Variants in CDH13 observed in about 807,000 individuals in gnomAD.
CDH13 encodes the protein cadherin 13, also known as cadherin-13.
In CDH13, 24 loss-of-function variants were observed where a neutral mutation model predicts 63.8. That is an observed-to-expected ratio of 0.38 (90% CI 0.27 to 0.53). The LOEUF (loss-of-function observed/expected upper bound fraction) is 0.53. Among genes scored for constraint, CDH13 ranks in the 20% least tolerant of loss-of-function variants. The pLI is 0.85. For missense variants in CDH13, 1,049 were observed against 903.1 expected (o/e 1.16, Z -2.07); for synonymous variants, 503 against 355.3 (o/e 1.42, Z -4.67).
At chr16:83,045,027 G>A (rs1917650187) in intron 3 of CDH13, among the ~76,000 whole-genome samples, 1 of 152,174 alleles carries the variant, frequency 6.6e-6, no homozygotes, top group South Asian at 2.1e-4. Flanking sequence ...ATATAGGGAT[G>A]ATAACCTCTT....
chr16:83,338,783 C>G (rs1348701823), intron 5 of CDH13, among the ~76,000 whole-genome samples: 1 of 152,044 alleles, frequency 6.6e-6, no homozygotes, highest in Admixed American at 6.5e-5. Flanking sequence ...GTTGGAAGAA[C>G]TGAAAAAAGA....
At chr16:82,693,072 G>A (rs776659798) in intron 1 of CDH13, among the ~76,000 whole-genome samples, 14 of 152,270 alleles carry the variant, frequency 9.2e-5, no homozygotes, top group African/African-American at 1.4e-4. Flanking sequence ...GCTGGGGGTG[G>A]CCTCCTACCA....
chr16:83,016,012 G>T (rs547365794), intron 2 of CDH13, among the ~76,000 whole-genome samples: 1 of 152,126 alleles, frequency 6.6e-6, no homozygotes, highest in African/African-American at 2.4e-5. Flanking sequence ...TTGTTGTCGA[G>T]TGGAGAAATC....
chr16:83,727,092 CAG>C (rs1910498163), intron 10 of CDH13, among the ~76,000 whole-genome samples: 1 of 152,106 alleles, frequency 6.6e-6, no homozygotes, highest in African/African-American at 2.4e-5. Context: ...AGTGTAGTCA[CAG>C]AGTTGTGCAA....
At chr16:82,705,631 C>T (rs1265743577) in intron 1 of CDH13, among the ~76,000 whole-genome samples, 1 of 151,966 alleles carries the variant, frequency 6.6e-6, no homozygotes, top group Non-Finnish European at 1.5e-5. Context: ...CACATTTCAC[C>T]ACACACGCCT....
At chr16:83,363,860 C>G (rs2091209115) in intron 6 of CDH13, among the ~76,000 whole-genome samples, 1 of 152,038 alleles carries the variant, frequency 6.6e-6, no homozygotes, top group East Asian at 1.9e-4. Context: ...GGCCCGAGAG[C>G]AAGACAATGA....
At chr16:83,077,530 C>G (rs1429613002) in intron 3 of CDH13, among the ~76,000 whole-genome samples, 1 of 152,078 alleles carries the variant, frequency 6.6e-6, no homozygotes, top group African/African-American at 2.4e-5. Context: ...GCTCATACAT[C>G]AGCATTCATT....
intron 2 of CDH13, among the ~76,000 whole-genome samples, chr16:82,911,873 T>G (rs77615067): frequency 0.017 from 2,607 of 152,170 alleles, 72 homozygotes; most frequent in African/African-American, 0.058. Flanking sequence ...CACCTGCTCC[T>G]ACTGGCTTCC....
At position 83,096,592 on chromosome 16, in the gene CDH13, C is replaced by T. The variant is rs139881199; in HGVS notation, c.367-28793C>T. ...CTCAGGACTGAGTATCTCTGCTGAACGCAAATTTAAATTCTTAATATGAGA... is the reference window on the plus strand; with the variant it reads ...CTCAGGACTGAGTATCTCTGCTGAATGCAAATTTAAATTCTTAATATGAGA... On this transcript the variant is annotated intron_variant, in intron 3 of 13. Coordinates refer to ENST00000567109, the MANE Select transcript of CDH13 (RefSeq NM_001257.5). 8.4e-3 allele frequency among the ~76,000 whole-genome samples: 1,275 copies of T among 152,306 alleles called. 16 individuals carry two copies. Among genetic ancestry groups the T allele is most frequent in the African/African-American group, 0.029 (1,201 of 41,570 alleles).
At chr16:83,112,282 T>C (rs1254284429) in intron 3 of CDH13, among the ~76,000 whole-genome samples, 3 of 152,212 alleles carry the variant, frequency 2.0e-5, no homozygotes, top group Non-Finnish European at 2.9e-5. Flanking sequence ...ACCAATCCCG[T>C]TGGCAGGGAA....
chr16:82,678,814 G>C (rs966707756), intron 1 of CDH13, among the ~76,000 whole-genome samples: 1 of 152,146 alleles, frequency 6.6e-6, no homozygotes, highest in African/African-American at 2.4e-5. Context: ...CTATCTCTTA[G>C]AGCCCAGTAC....
chr16:83,334,361 T>TCTCTCTCACA lies in CDH13; in HGVS notation c.637-10500_637-10499insTCTCTCACAC, dbSNP rs1272779883. Among the ~76,000 whole-genome samples, 303 of 85,602 alleles carry TCTCTCTCACA rather than the reference T, an allele frequency of 3.5e-3. 1 individual carries two copies. The highest frequency in any genetic ancestry group is 0.035 in the East Asian group (91 of 2,592). The allele number at this position is 85,602 out of a possible 152,430, so 56.2% of individuals were successfully genotyped here. A position where few individuals can be genotyped will look rare whatever the true frequency, so the allele number is the denominator to read the frequency against. ...TTCTCCCTCTCTCTCTCTCTCTCTC[T>TCTCTCTCACA]CACACACACACACACACACACACAC... On this transcript the variant is annotated intron_variant, in intron 5 of 13. Transcript: ENST00000567109.
rs552246689 is a variant in CDH13, at chr16:83,127,457, T to C, written c.483+1956T>C. 6.6e-5 allele frequency among the ~76,000 whole-genome samples: 10 copies of C among 152,282 alleles called. No homozygotes were observed. The South Asian group carries it at 1.9e-3, about 28-fold the overall frequency. On this transcript the variant is annotated intron_variant, in intron 4 of 13. Transcript: ENST00000567109. ...ATTGAAAATTGATCTTGGACGGGCA[T>C]GGTGGTTCACGCCTGTAATCCCAGC...
chr16:83,350,720 G>T (rs1465852931), intron 6 of CDH13, among the ~76,000 whole-genome samples: 1 of 152,140 alleles, frequency 6.6e-6, no homozygotes. Context: ...AGAAAATTGC[G>T]GCAAGTGCTA....
At chr16:83,609,829 T>C (rs1215358952) in intron 8 of CDH13, among the ~76,000 whole-genome samples, 1 of 152,164 alleles carries the variant, frequency 6.6e-6, no homozygotes, top group Non-Finnish European at 1.5e-5. Context: ...TTTTAGAACA[T>C]TTTCATCGTC....
chr16:83,553,782 C>T (rs2075554088), intron 7 of CDH13, among the ~76,000 whole-genome samples: 1 of 152,222 alleles, frequency 6.6e-6, no homozygotes, highest in Non-Finnish European at 1.5e-5. Flanking sequence ...GTCTTGAACT[C>T]CTGACCTCAG....
chr16:83,026,414 TATG>T (rs1915804849), intron 2 of CDH13, among the ~76,000 whole-genome samples: 1 of 152,186 alleles, frequency 6.6e-6, no homozygotes, highest in Non-Finnish European at 1.5e-5. Flanking sequence ...TAAAATATAA[TATG>T]ATGCTTATAT....
chr16:82,751,582 G>A (rs1170907487), intron 1 of CDH13, among the ~76,000 whole-genome samples: 2 of 152,058 alleles, frequency 1.3e-5, no homozygotes, highest in Admixed American at 6.5e-5. Flanking sequence ...ATAGGACAGA[G>A]CCCCAGGTTC....
Position 83,030,751 on chromosome 16 carries a change from C to A in CDH13, c.158-1259C>A, listed in dbSNP as rs530404113. Among the ~76,000 whole-genome samples, 9 of 151,772 alleles carry A rather than the reference C, an allele frequency of 5.9e-5. No homozygotes were observed. The East Asian group carries it at 1.7e-3, about 29-fold the overall frequency. The stretch of plus-strand genomic sequence containing the variant: ...AGCACACACCTGATCTTGACTCTCT[C>A]CACACAACAAATCGTCCAGGGCTAC... On this transcript the variant is annotated intron_variant, in intron 2 of 13. Coordinates refer to ENST00000567109, the MANE Select transcript of CDH13 (RefSeq NM_001257.5).
Sources: allele counts gnomAD v4.1 joint callset (sites outside exome capture counted in the v4.1 genomes callset), GRCh38; gene constraint gnomAD v4.1.1; transcripts MANE v1.5; gene names NCBI Gene and HGNC (gene_info 2026-07-23, HGNC 2026-07-21).